SGCZ: variants seen among roughly 807,000 people sequenced by gnomAD.
The protein encoded by SGCZ is sarcoglycan zeta.
A neutral mutation model predicts 41.3 loss-of-function variants in SGCZ; 40 were observed. The ratio of observed to expected loss-of-function variants is 0.97; its 90% CI spans 0.75 to 1.26. SGCZ has a LOEUF of 1.26. SGCZ is among the 50% of genes most tolerant of loss of function. The pLI is 0.00. For synonymous variants in SGCZ, 206 were observed against 137.5 expected (o/e 1.50, Z -3.49); for missense variants, 552 against 369.8 (o/e 1.49, Z -4.04).
chr8:14,300,937 A>G (rs913379848), intron 3 of SGCZ, among the ~76,000 whole-genome samples: 2 of 152,004 alleles, frequency 1.3e-5, no homozygotes, highest in South Asian at 4.1e-4. Context: ...ATGTTCAAGA[A>G]GGAGGTAGAG....
At chr8:15,094,044 A>G (rs1358276881) in intron 1 of SGCZ, among the ~76,000 whole-genome samples, 2 of 152,230 alleles carry the variant, frequency 1.3e-5, no homozygotes, top group Non-Finnish European at 2.9e-5. Context: ...AATTAATTGA[A>G]TGATACATCT....
In SGCZ at chr8:14,503,067, G is replaced by A. The variant is rs373454676; in HGVS notation, c.234+51665C>T. ...ACCCAAATGCCCATCAATGATAGACGGGATAAAGAAAATGTGGCACATACA... is the reference window on the plus strand; with the variant it reads ...ACCCAAATGCCCATCAATGATAGACAGGATAAAGAAAATGTGGCACATACA... On this transcript the variant is annotated intron_variant, in intron 2 of 7. Coordinates refer to ENST00000382080, the MANE Select transcript of SGCZ (RefSeq NM_139167.4). 4.6e-5 allele frequency among the ~76,000 whole-genome samples: 7 copies of A among 152,124 alleles called. No individual in the cohort carries two copies. The South Asian group carries it at 6.2e-4, about 14-fold the overall frequency.
At chr8:14,658,714 A>C (rs1807653783) in intron 1 of SGCZ, among the ~76,000 whole-genome samples, 1 of 152,088 alleles carries the variant, frequency 6.6e-6, no homozygotes, top group African/African-American at 2.4e-5. Context: ...TAATGTATTA[A>C]TATACTAATA....
intron 1 of SGCZ, among the ~76,000 whole-genome samples, chr8:14,807,909 C>T (rs1430523418): frequency 2.0e-5 from 3 of 151,830 alleles, no homozygotes; most frequent in African/African-American, 7.3e-5. Context: ...CAGAACAGAG[C>T]CCTCAGAAAT....
At chr8:14,961,406 G>A (rs1337394087) in intron 1 of SGCZ, among the ~76,000 whole-genome samples, 3 of 152,046 alleles carry the variant, frequency 2.0e-5, no homozygotes, top group Non-Finnish European at 4.4e-5. Context: ...GTGTATTACA[G>A]TAGATTCTCA....
intron 1 of SGCZ, among the ~76,000 whole-genome samples, chr8:14,816,405 C>T (rs1158349606): frequency 6.6e-6 from 1 of 152,210 alleles, no homozygotes; most frequent in Non-Finnish European, 1.5e-5. Context: ...ATACCTCAGA[C>T]TTCACTGGTT....
intron 1 of SGCZ, among the ~76,000 whole-genome samples, chr8:14,931,463 T>G (rs1350604987): frequency 6.6e-6 from 1 of 152,072 alleles, no homozygotes; most frequent in Non-Finnish European, 1.5e-5. Flanking sequence ...GAGACCCATC[T>G]GTACATTATT....
At chr8:14,143,975 C>G (rs1356050630) in intron 5 of SGCZ, among the ~76,000 whole-genome samples, 1 of 152,166 alleles carries the variant, frequency 6.6e-6, no homozygotes, top group East Asian at 1.9e-4. Context: ...GCAGGAATCA[C>G]CAATCCCAGT....
chr8:14,176,043 C>CA (rs1196791210), intron 4 of SGCZ, among the ~76,000 whole-genome samples: 1 of 152,048 alleles, frequency 6.6e-6, no homozygotes, highest in Non-Finnish European at 1.5e-5. Context: ...ATTTTCAAAA[C>CA]ACAAAGCAAC....
intron 3 of SGCZ, among the ~76,000 whole-genome samples, chr8:14,297,717 T>A (rs1300517538): frequency 6.6e-6 from 1 of 151,952 alleles, no homozygotes; most frequent in African/African-American, 2.4e-5. Flanking sequence ...AACATCTAAG[T>A]AACTATATCT....
At chr8:14,918,966 G>A in intron 1 of SGCZ, among the ~76,000 whole-genome samples, 1 of 152,100 alleles carries the variant, frequency 6.6e-6, no homozygotes, top group Non-Finnish European at 1.5e-5. Context: ...GAAGACTGGG[G>A]GGTTTCAAAA....
rs148274665 is a variant in SGCZ, at chr8:14,212,318, C to T, written c.424+25274G>A. Among the ~76,000 whole-genome samples the T allele has an allele frequency of 1.3e-3, 205 of 152,148 alleles. 1 individual carries two copies. Among genetic ancestry groups the T allele is most frequent in the African/African-American group, 4.6e-3 (190 of 41,504 alleles). ...GGAGCAACTCTCTTTCCTATGGCCA[C>T]GGCATCTCCAACGCCTTACCCATAG... On this transcript the variant is annotated intron_variant, in intron 4 of 7. Transcript: ENST00000382080.
At chr8:14,416,692 G>T (rs1460012077) in intron 2 of SGCZ, among the ~76,000 whole-genome samples, 1 of 151,836 alleles carries the variant, frequency 6.6e-6, no homozygotes. Context: ...TGTTAGAAAA[G>T]AAATAGTTTA....
intron 1 of SGCZ, among the ~76,000 whole-genome samples, chr8:15,120,621 T>G (rs1369505341): frequency 6.6e-6 from 1 of 152,230 alleles, no homozygotes; most frequent in Non-Finnish European, 1.5e-5. Context: ...TGTTTTGTGA[T>G]GTAATAGATA....
At chr8:14,459,781 C>T (rs566308793) in intron 2 of SGCZ, among the ~76,000 whole-genome samples, 2 of 152,194 alleles carry the variant, frequency 1.3e-5, no homozygotes, top group East Asian at 3.9e-4. Context: ...ATCCTCACCC[C>T]AACCATAAGT....
chr8:14,956,857 A>G (rs1800810464), intron 1 of SGCZ, among the ~76,000 whole-genome samples: 1 of 152,206 alleles, frequency 6.6e-6, no homozygotes, highest in East Asian at 1.9e-4. Context: ...CTTTTTAGAA[A>G]GAGTAATGAA....
At chr8:14,308,942 T>C in intron 3 of SGCZ, 2 of 605,466 alleles carry the variant, frequency 3.3e-6, no homozygotes, top group South Asian at 4.5e-5. Context: ...TAACAAAGTG[T>C]AAGCTGATTG....
At chr8:14,285,029 G>T (rs566389538) in intron 3 of SGCZ, among the ~76,000 whole-genome samples, 1 of 151,932 alleles carries the variant, frequency 6.6e-6, no homozygotes, top group African/African-American at 2.4e-5. Context: ...TTTTATATTG[G>T]ACAGATAGAG....
chr8:14,683,298 T>C (rs17120041), intron 1 of SGCZ, among the ~76,000 whole-genome samples: 51,562 of 151,996 alleles, frequency 0.34, 11,314 homozygotes, highest in African/African-American at 0.63. Flanking sequence ...CAAGAAAGTA[T>C]GACAGATGTT....
Sources: gnomAD v4.1 joint callset for allele counts (sites outside exome capture counted in the v4.1 genomes callset) on GRCh38, gnomAD v4.1.1 for gene constraint, MANE v1.5 for transcripts, NCBI Gene and HGNC (gene_info 2026-07-23, HGNC 2026-07-21) for gene names.